The following PTPRJ variants were observed in gnomAD, a reference collection of about 807,000 sequenced individuals.
The protein encoded by PTPRJ is receptor-type tyrosine-protein phosphatase eta.
PTPRJ carries 129 observed loss-of-function variants against 141.3 expected under a neutral mutation model. The ratio of observed to expected loss-of-function variants is 0.91; its 90% CI spans 0.79 to 1.06. The LOEUF (loss-of-function observed/expected upper bound fraction) is 1.06. PTPRJ is among the 50% of genes least tolerant of loss of function. The pLI, the probability that PTPRJ is intolerant of heterozygous loss-of-function variation, is 0.00. For synonymous variants in PTPRJ, 610 were observed against 640.5 expected (o/e 0.95, Z 0.72); for missense variants, 1,601 against 1,679.7 (o/e 0.95, Z 0.82).
intron 1 of PTPRJ, among the ~76,000 whole-genome samples, chr11:48,059,948 T>A (rs1197257408): frequency 6.6e-6 from 1 of 152,126 alleles, no homozygotes; most frequent in East Asian, 1.9e-4. Context: ...CATAACCTGT[T>A]TGATTGAAGC....
chr11:48,044,873 T>G (rs1241122151), intron 1 of PTPRJ: 1 of 152,242 alleles, frequency 6.6e-6, no homozygotes, highest in Non-Finnish European at 1.5e-5. Context: ...CTATCGCAGG[T>G]TCGTAATAAG....
chr11:48,164,505 T>C lies in PTPRJ; in HGVS notation c.3845T>C (p.Val1282Ala). 1 of 1,608,528 alleles carries C rather than the reference T, an allele frequency of 6.2e-7. No homozygotes were observed. Among genetic ancestry groups the C allele is most frequent in the Non-Finnish European group, 8.5e-7 (1 of 1,177,642 alleles). Residue 1282 changes from valine to alanine, a missense_variant, in exon 24 of 25, where the codon GTG becomes GCG. Transcript: ENST00000418331. ...CTTCGAATGCATAGGCCTTTAATGG[T>C]GCAGACAGAGGTGAGGCCAAGATCT... ...YDLRMHRPLM[V>A]QTEDQYVFLN... is the part of the protein sequence containing the mutation.
In PTPRJ at chr11:48,130,573, C is replaced by T. The variant is rs781596814; in HGVS notation, c.1472C>T (p.Ala491Val). 2 of 1,614,102 alleles carry T rather than the reference C, an allele frequency of 1.2e-6. No homozygotes were observed. Among genetic ancestry groups the T allele is most frequent in the Non-Finnish European group, 1.7e-6 (2 of 1,180,018 alleles). The change falls in exon 8 of 25, where the codon GCT becomes GTT. Residue 491 changes from alanine to valine, a missense_variant. Transcript: ENST00000418331. ...SFQMHITQEG[A>V]GNSRVEITTN... ...CAGATGCATATCACACAGGAGGGAGCTGGCAATTCTCGGGTAGAAATAACC... is the reference window on the plus strand; with the variant it reads ...CAGATGCATATCACACAGGAGGGAGTTGGCAATTCTCGGGTAGAAATAACC...
rs371234967 is a variant in PTPRJ, at chr11:48,142,953, A to C, written c.2478A>C (p.Thr826=). Residue 826 remains threonine (T), a synonymous_variant, in exon 12 of 25, where the codon ACA becomes ACC. Transcript: ENST00000418331. The part of the protein sequence containing the change: ...PPPPDGSPNI[T]SVSHNSVKVK... ...CTCCAGATGGATCCCCTAATATTAC[A>C]TCTGTCAGTCACAATTCAGTAAAGG... 63 of 1,613,982 alleles carry C rather than the reference A, an allele frequency of 3.9e-5. No homozygotes were observed. Among genetic ancestry groups the C allele is most frequent in the Non-Finnish European group, 5.1e-5 (60 of 1,179,988 alleles).
intron 24 of PTPRJ, among the ~76,000 whole-genome samples, chr11:48,166,027 A>AT (rs376872364): frequency 7.5e-5 from 11 of 147,246 alleles, no homozygotes; most frequent in South Asian, 2.1e-4. Context: ...TGCCCAGCTA[A>AT]TTTTTTTTTT....
intron 1 of PTPRJ, among the ~76,000 whole-genome samples, chr11:47,999,863 C>CT (rs1209647054): frequency 3.7e-4 from 51 of 136,220 alleles, no homozygotes; most frequent in South Asian, 1.3e-3. Context: ...CGAGATTCTT[C>CT]TTTTTTTTTT....
chr11:48,028,963 C>G (rs1420949823), intron 1 of PTPRJ, among the ~76,000 whole-genome samples: 6 of 152,340 alleles, frequency 3.9e-5, no homozygotes, highest in Non-Finnish European at 7.3e-5. Flanking sequence ...GGAAGTGAAT[C>G]TGAAGTAAAT....
intron 1 of PTPRJ, among the ~76,000 whole-genome samples, chr11:48,024,697 T>A (rs1468172164): frequency 1.3e-5 from 2 of 152,014 alleles, no homozygotes; most frequent in Admixed American, 6.6e-5. Context: ...AGCTGGAGAG[T>A]GTTGAACATT....
At chr11:47,985,670 ACATT>A (rs2134172699) in intron 1 of PTPRJ, among the ~76,000 whole-genome samples, 1 of 144,330 alleles carries the variant, frequency 6.9e-6, no homozygotes, top group Non-Finnish European at 1.5e-5. Flanking sequence ...GAGGTGGCAG[ACATT>A]TATTTATTTA....
intron 1 of PTPRJ, among the ~76,000 whole-genome samples, chr11:48,103,652 AGGTGTATACAC>A (rs1456188033): frequency 6.6e-6 from 1 of 152,226 alleles, no homozygotes; most frequent in African/African-American, 2.4e-5. Flanking sequence ...GCTTTTATCC[AGGTGTATACAC>A]GGTGTATACA....
chr11:48,024,564 C>T (rs935010850), intron 1 of PTPRJ, among the ~76,000 whole-genome samples: 11 of 152,158 alleles, frequency 7.2e-5, no homozygotes, highest in Non-Finnish European at 1.3e-4. Flanking sequence ...ACTGTTTCTA[C>T]GATCAAAGTA....
intron 24 of PTPRJ, among the ~76,000 whole-genome samples, chr11:48,165,546 T>C (rs1262134078): frequency 4.6e-5 from 7 of 152,234 alleles, no homozygotes; most frequent in Non-Finnish European, 8.8e-5. Flanking sequence ...GCTATCGTCC[T>C]GTACCGATTT....
intron 1 of PTPRJ, among the ~76,000 whole-genome samples, chr11:48,084,278 C>T (rs568532279): frequency 3.3e-5 from 5 of 152,182 alleles, no homozygotes; most frequent in East Asian, 3.9e-4. Flanking sequence ...CGGGTTCAAG[C>T]GATTCTCCTG....
chr11:48,011,894 G>C (rs1182266336), intron 1 of PTPRJ, among the ~76,000 whole-genome samples: 1 of 152,110 alleles, frequency 6.6e-6, no homozygotes, highest in Non-Finnish European at 1.5e-5. Context: ...GAACTCCTGG[G>C]CTCAGGTGAT....
At chr11:48,166,799 C>T (rs1364372488) in intron 24 of PTPRJ, among the ~76,000 whole-genome samples, 2 of 152,222 alleles carry the variant, frequency 1.3e-5, no homozygotes, top group Non-Finnish European at 2.9e-5. Context: ...CTTTTAACCT[C>T]GCTCCTCGGT....
intron 8 of PTPRJ, among the ~76,000 whole-genome samples, chr11:48,134,872 TCTTCC>T (rs1004581586): frequency 6.6e-6 from 1 of 152,192 alleles, no homozygotes; most frequent in African/African-American, 2.4e-5. Context: ...GTGCCTGTTT[TCTTCC>T]CTTCCTCATC....
intron 18 of PTPRJ, among the ~76,000 whole-genome samples, chr11:48,153,492 CAAAAAAAAA>C (rs59516853): frequency 5.8e-5 from 4 of 68,440 alleles, no homozygotes; most frequent in African/African-American, 1.3e-4. Context: ...GACTCTGTCT[CAAAAAAAAA>C]AAAAAAAAAA....
At chr11:48,056,534 G>A (rs1175405695) in intron 1 of PTPRJ, among the ~76,000 whole-genome samples, 1 of 152,166 alleles carries the variant, frequency 6.6e-6, no homozygotes, top group African/African-American at 2.4e-5. Flanking sequence ...AATGATGATG[G>A]TGACAGTTTC....
In PTPRJ at chr11:47,984,278, G is replaced by A. The variant is rs143338360; in HGVS notation, c.96+3270G>A. 3.7e-3 allele frequency among the ~76,000 whole-genome samples: 570 copies of A among 152,286 alleles called. 6 individuals carry two copies. The highest frequency in any genetic ancestry group is 6.5e-3 in the Non-Finnish European group (442 of 68,016). The stretch of plus-strand genomic sequence containing the variant: ...CTAAAAGTAATTTTTGCTTGAGGTT[G>A]GGGCTGAGGCAGAGTGGCTGAACAA... On this transcript the variant is annotated intron_variant, in intron 1 of 24. Coordinates refer to ENST00000418331, the MANE Select transcript of PTPRJ (RefSeq NM_002843.4).
Sources: gnomAD v4.1 joint callset for allele counts (sites outside exome capture counted in the v4.1 genomes callset) on GRCh38, gnomAD v4.1.1 for gene constraint, MANE v1.5 for transcripts, NCBI Gene and HGNC (gene_info 2026-07-23, HGNC 2026-07-21) for gene names.